SEC24A: variants seen among roughly 807,000 people sequenced by gnomAD.
SEC24A encodes the protein protein transport protein Sec24A.
In SEC24A, 93 loss-of-function variants were observed where a neutral mutation model predicts 129.4. The ratio of observed to expected loss-of-function variants is 0.72; its 90% CI spans 0.61 to 0.85. SEC24A has a LOEUF of 0.85. SEC24A is among the 40% of genes least tolerant of loss of function. The pLI, the probability that SEC24A is intolerant of heterozygous loss-of-function variation, is 0.00. For missense variants in SEC24A, 1,264 were observed against 1,307.4 expected (o/e 0.97, Z 0.51); for synonymous variants, 460 against 467.3 (o/e 0.98, Z 0.20).
Position 134,688,246 on chromosome 5 carries a change from G to A in SEC24A, c.1670G>A (p.Gly557Asp), listed in dbSNP as rs1751515378. ...TTTGACAGTACAATCCATTTCTACG[G>A]TCTTCAGGAAAGTCTCTCTCAACCT... ...ITFDSTIHFYGLQESLSQPQM... is the reference protein window; with the variant it reads ...ITFDSTIHFYDLQESLSQPQM... The change falls in exon 11 of 23, where the codon GGT (glycine) becomes GAT (aspartate). Residue 557 changes from glycine to aspartate, a missense_variant. By Grantham distance (94) the Gly-to-Asp change is moderately conservative. Coordinates refer to ENST00000398844, the MANE Select transcript of SEC24A (RefSeq NM_021982.3). The A allele has an allele frequency of 6.2e-7, 1 of 1,612,900 alleles. No homozygotes were observed. Among genetic ancestry groups the A allele is most frequent in the Non-Finnish European group, 8.5e-7 (1 of 1,179,182 alleles).
chr5:134,683,531 G>GA (rs1263958423), intron 9 of SEC24A, among the ~76,000 whole-genome samples: 1 of 152,014 alleles, frequency 6.6e-6, no homozygotes, highest in Non-Finnish European at 1.5e-5. Context: ...ATTTCTTTTA[G>GA]AGAGGAGGGT....
intron 9 of SEC24A, among the ~76,000 whole-genome samples, chr5:134,686,528 C>T (rs551431675): frequency 3.3e-5 from 5 of 152,310 alleles, no homozygotes; most frequent in South Asian, 4.1e-4. Context: ...TGAGCCACCA[C>T]GCCCAGCCAC....
chr5:134,675,975 A>G, intron 6 of SEC24A, 48 bp from the exon 7 acceptor site: 2 of 1,337,804 alleles, frequency 1.5e-6, no homozygotes, highest in African/African-American at 1.5e-5. Flanking sequence ...TGTTTTCTTC[A>G]AAAATAATCA....
chr5:134,676,144 C>A lies in SEC24A; in HGVS notation c.1254+19C>A. 7.8e-7 allele frequency: 1 copy of A among 1,275,854 alleles called. No homozygotes were observed. Among genetic ancestry groups the A allele is most frequent in the Non-Finnish European group, 1.1e-6 (1 of 929,788 alleles). 79.0% of individuals were successfully genotyped at this position (1,275,854 alleles called of 1,614,324 possible). On this transcript the variant is annotated intron_variant, in intron 7 of 22. Transcript: ENST00000398844. ...CTTAGTGGTATGTTTCTTTTCTTTT[C>A]TTTTTTTTTTTTTGAGACGGAGTCT...
rs1199293546 is a variant in SEC24A, at chr5:134,692,043, A to AT, written c.1724-551dup. 3.7e-5 allele frequency among the ~76,000 whole-genome samples: 5 copies of AT among 134,792 alleles called. No homozygotes were observed. The East Asian group carries it at 1.1e-3, about 29-fold the overall frequency. The allele number at this position is 134,792 out of a possible 152,430, so 88.4% of individuals were successfully genotyped here. A position where few individuals can be genotyped will look rare whatever the true frequency, so the allele number is the denominator to read the frequency against. ...TTCAGTGAGTACAGATCAATATTTTATTTTTTTTCTTTCCTTTTTTTTTTT... is the reference window on the plus strand; with the variant it reads ...TTCAGTGAGTACAGATCAATATTTTATTTTTTTTTCTTTCCTTTTTTTTTTT... On this transcript the variant is annotated intron_variant, in intron 11 of 22. Coordinates refer to ENST00000398844, the MANE Select transcript of SEC24A (RefSeq NM_021982.3).
intron 1 of SEC24A, among the ~76,000 whole-genome samples, chr5:134,660,835 A>T (rs964975215): frequency 6.6e-6 from 1 of 151,954 alleles, no homozygotes; most frequent in African/African-American, 2.4e-5. Flanking sequence ...GGGATTACAG[A>T]TGTGAGCCAC....
intron 1 of SEC24A, among the ~76,000 whole-genome samples, chr5:134,660,677 C>A (rs1750420978): frequency 6.6e-6 from 1 of 151,556 alleles, no homozygotes; most frequent in Non-Finnish European, 1.5e-5. Flanking sequence ...TGCCTCAGCC[C>A]CCCAAGTAGC....
chr5:134,721,329 C>A (rs1752620843), intron 21 of SEC24A, among the ~76,000 whole-genome samples: 5 of 151,912 alleles, frequency 3.3e-5, no homozygotes, highest in Admixed American at 2.6e-4. Context: ...CTTTGGGAGG[C>A]CAGGGCGGGC....
intron 11 of SEC24A, among the ~76,000 whole-genome samples, chr5:134,690,099 A>T (rs1396539313): frequency 6.6e-6 from 1 of 151,972 alleles, no homozygotes; most frequent in African/African-American, 2.4e-5. Context: ...GCTCGCTGCA[A>T]CCTCCACCTC....
chr5:134,681,006 G>A (rs112931472), intron 8 of SEC24A, among the ~76,000 whole-genome samples: 3,684 of 151,534 alleles, frequency 0.024, 55 homozygotes, highest in African/African-American at 0.055. Context: ...GGCTGAGGCA[G>A]GAGAATCGCT....
intron 18 of SEC24A, among the ~76,000 whole-genome samples, chr5:134,713,758 C>T (rs955991532): frequency 1.3e-5 from 2 of 151,112 alleles, no homozygotes; most frequent in African/African-American, 4.9e-5. Flanking sequence ...TGGCTGGGTG[C>T]GGTGGCTCAC....
At chr5:134,707,037 C>G (rs1752185414) in intron 17 of SEC24A, among the ~76,000 whole-genome samples, 1 of 151,986 alleles carries the variant, frequency 6.6e-6, no homozygotes, top group African/African-American at 2.4e-5. Flanking sequence ...AGAGTCTCAC[C>G]ATGTTGCCCA....
chr5:134,686,200 C>T (rs1006073141), intron 9 of SEC24A, among the ~76,000 whole-genome samples: 4 of 151,814 alleles, frequency 2.6e-5, no homozygotes, highest in African/African-American at 9.7e-5. Context: ...ATAACCCAAG[C>T]CAAGCAGTTG....
At chr5:134,655,962 T>C (rs1403572973) in intron 1 of SEC24A, among the ~76,000 whole-genome samples, 1 of 152,100 alleles carries the variant, frequency 6.6e-6, no homozygotes, top group Non-Finnish European at 1.5e-5. Context: ...CCTATTTTTC[T>C]TACTCTTATA....
At chr5:134,674,380 C>T (rs1321864346) in intron 4 of SEC24A, among the ~76,000 whole-genome samples, 1 of 151,964 alleles carries the variant, frequency 6.6e-6, no homozygotes, top group East Asian at 1.9e-4. Flanking sequence ...ACAAAACATA[C>T]AAAAACATTA....
chr5:134,692,043 AT>A (rs1199293546), intron 11 of SEC24A, among the ~76,000 whole-genome samples: 55 of 134,792 alleles, frequency 4.1e-4, no homozygotes, highest in Admixed American at 1.6e-3. Context: ...TCAATATTTT[AT>A]TTTTTTTCTT....
At chr5:134,720,834 G>A (rs984092378) in intron 20 of SEC24A, among the ~76,000 whole-genome samples, 164 bp from the exon 21 acceptor site, 1 of 151,994 alleles carries the variant, frequency 6.6e-6, no homozygotes, top group African/African-American at 2.4e-5. Context: ...CCCAGGAGTC[G>A]GAGGTTGCAG....
chr5:134,689,533 C>T (rs895008424), intron 11 of SEC24A, among the ~76,000 whole-genome samples: 9 of 152,078 alleles, frequency 5.9e-5, no homozygotes, highest in Admixed American at 2.0e-4. Flanking sequence ...GAGGCCGAGG[C>T]GGGTGGATCA....
At chr5:134,671,314 C>T (rs1750850781) in intron 3 of SEC24A, among the ~76,000 whole-genome samples, 1 of 152,164 alleles carries the variant, frequency 6.6e-6, no homozygotes, top group South Asian at 2.1e-4. Flanking sequence ...CCCGCCTTGG[C>T]CTCCCAAAGT....
Sources: gnomAD v4.1 joint callset for allele counts (sites outside exome capture counted in the v4.1 genomes callset) on GRCh38, gnomAD v4.1.1 for gene constraint, MANE v1.5 for transcripts, NCBI Gene and HGNC (gene_info 2026-07-23, HGNC 2026-07-21) for gene names.